The following NEBL variants were observed in gnomAD, a reference collection of about 807,000 sequenced individuals.
The protein encoded by NEBL is LIM and SH3 protein 2.
NEBL carries 122 observed loss-of-function variants against 140.2 expected under a neutral mutation model. The ratio of observed to expected loss-of-function variants is 0.87; its 90% CI spans 0.75 to 1.01. The LOEUF (loss-of-function observed/expected upper bound fraction) is 1.01, where lower values mean the gene tolerates loss of function less well. NEBL is among the 50% of genes least tolerant of loss of function. The probability of loss-of-function intolerance (pLI) is 0.00; values close to 1 mark genes in which losing one functional copy is unlikely to be tolerated. For missense variants in NEBL, 1,365 were observed against 1,231.3 expected (o/e 1.11, Z -1.62); for synonymous variants, 436 against 398.9 (o/e 1.09, Z -1.11).
At position 20,933,902 on chromosome 10, in the gene NEBL, C is replaced by T. The variant is rs188292350; in HGVS notation, c.357+27770G>A. Among the ~76,000 whole-genome samples the T allele has an allele frequency of 9.7e-4, 148 of 152,240 alleles. 1 individual carries two copies. In the East Asian group the frequency reaches 0.027, roughly 28 times the overall value. ...AGATGAGTGTTTAAGAAGCCATTTCCTTATCACCAACTATTAGGAGTTTCT... is the reference window on the plus strand; with the variant it reads ...AGATGAGTGTTTAAGAAGCCATTTCTTTATCACCAACTATTAGGAGTTTCT... On this transcript the variant is annotated intron_variant, in intron 4 of 6. Coordinates refer to the NEBL transcript ENST00000417816.
chr10:20,977,665 G>A lies in NEBL; in HGVS notation c.250-15886C>T, dbSNP rs11012436. On this transcript the variant is annotated intron_variant, in intron 3 of 6. Coordinates refer to the NEBL transcript ENST00000417816. ...GAGATTGAATCAATCAAAAGACCCC[G>A]CACTGGGGTGAAAAAAAACTGTGAA... Among the ~76,000 whole-genome samples the A allele has an allele frequency of 0.02, 3,000 of 152,150 alleles. 393 individuals carry two copies. In the East Asian group the frequency reaches 0.36, roughly 18 times the overall value.
chr10:21,200,447 G>C (rs1024321770), intron 3 of NEBL, among the ~76,000 whole-genome samples: 6 of 150,402 alleles, frequency 4.0e-5, no homozygotes, highest in African/African-American at 1.5e-4. Flanking sequence ...CTGAGTAGCT[G>C]GGACTACAGG....
chr10:21,143,410 C>G (rs1422489127), intron 2 of NEBL, among the ~76,000 whole-genome samples: 2 of 131,038 alleles, frequency 1.5e-5, no homozygotes, highest in African/African-American at 6.0e-5. Flanking sequence ...GATAGCACCA[C>G]TGCACTCCAG....
intron 16 of NEBL, among the ~76,000 whole-genome samples, chr10:20,828,886 A>C (rs1045300591): frequency 6.6e-6 from 1 of 152,094 alleles, no homozygotes; most frequent in Non-Finnish European, 1.5e-5. Flanking sequence ...GATAGATTTG[A>C]TTAAGGGAAA....
chr10:20,808,201 A>G (rs1837786799), intron 26 of NEBL, among the ~76,000 whole-genome samples: 1 of 152,104 alleles, frequency 6.6e-6, no homozygotes, highest in African/African-American at 2.4e-5. Context: ...TGTAGTGTGT[A>G]TATTTATCAC....
At chr10:21,218,613 A>T (rs1384633252) in intron 3 of NEBL, among the ~76,000 whole-genome samples, 1 of 152,230 alleles carries the variant, frequency 6.6e-6, no homozygotes. Flanking sequence ...CATGGAACAC[A>T]AAAGTTCCAT....
chr10:21,081,241 G>C (rs952212806), intron 2 of NEBL, among the ~76,000 whole-genome samples: 1 of 152,156 alleles, frequency 6.6e-6, no homozygotes, highest in Non-Finnish European at 1.5e-5. Context: ...ATTTTCCACT[G>C]TGTTTTTCTA....
At chr10:21,032,407 G>T (rs1283790207) in intron 2 of NEBL, among the ~76,000 whole-genome samples, 1 of 152,146 alleles carries the variant, frequency 6.6e-6, no homozygotes, top group Non-Finnish European at 1.5e-5. Flanking sequence ...TGGGGTCTAA[G>T]ATGCTTTTTG....
intron 26 of NEBL, among the ~76,000 whole-genome samples, chr10:20,795,956 C>T (rs988149612): frequency 1.4e-4 from 21 of 152,152 alleles, no homozygotes; most frequent in Admixed American, 1.2e-3. Flanking sequence ...ATTAAAGATT[C>T]TTTATTGCCT....
intron 4 of NEBL, among the ~76,000 whole-genome samples, chr10:20,887,119 T>A (rs1846591905): frequency 6.6e-6 from 1 of 152,194 alleles, no homozygotes; most frequent in South Asian, 2.1e-4. Flanking sequence ...AGGTGAAACA[T>A]TCCATTTAGA....
intron 3 of NEBL, among the ~76,000 whole-genome samples, chr10:21,011,049 T>G (rs1034709127): frequency 3.9e-5 from 6 of 152,016 alleles, no homozygotes; most frequent in Non-Finnish European, 7.4e-5. Context: ...ATAATGGCAG[T>G]TTTTTTTCAA....
At chr10:20,916,569 G>T (rs1037127757) in intron 4 of NEBL, among the ~76,000 whole-genome samples, 1 of 151,978 alleles carries the variant, frequency 6.6e-6, no homozygotes, top group South Asian at 2.1e-4. Flanking sequence ...ACTACCACTT[G>T]GCTAATTTTT....
intron 3 of NEBL, among the ~76,000 whole-genome samples, chr10:20,992,970 A>G (rs1837526097): frequency 6.6e-6 from 1 of 151,276 alleles, no homozygotes; most frequent in Non-Finnish European, 1.5e-5. Flanking sequence ...TTTTTAGTAG[A>G]GACGGGGTTT....
At chr10:21,006,701 C>G (rs1016014514) in intron 3 of NEBL, among the ~76,000 whole-genome samples, 1 of 152,108 alleles carries the variant, frequency 6.6e-6, no homozygotes, top group East Asian at 1.9e-4. Context: ...GTCCGAGACC[C>G]GAAAAGCATT....
intron 4 of NEBL, among the ~76,000 whole-genome samples, chr10:20,915,786 G>A (rs969985295): frequency 6.6e-6 from 1 of 152,070 alleles, no homozygotes; most frequent in African/African-American, 2.4e-5. Context: ...TGGGATGGCT[G>A]GGTCAAATGG....
At chr10:21,252,919 C>T (rs532969759) in intron 1 of NEBL, among the ~76,000 whole-genome samples, 1 of 152,040 alleles carries the variant, frequency 6.6e-6, no homozygotes, top group African/African-American at 2.4e-5. Context: ...TACACCACTG[C>T]ACTCCAGCCG....
chr10:20,797,753 T>C (rs967731152), intron 26 of NEBL, among the ~76,000 whole-genome samples: 5 of 151,972 alleles, frequency 3.3e-5, no homozygotes, highest in Non-Finnish European at 7.4e-5. Context: ...GACAGAACAG[T>C]AGACAAGTTT....
intron 2 of NEBL, among the ~76,000 whole-genome samples, chr10:21,063,287 C>T (rs1296565515): frequency 6.6e-6 from 1 of 152,216 alleles, no homozygotes; most frequent in Non-Finnish European, 1.5e-5. Context: ...CATGGCAATG[C>T]TCAGAGATCA....
intron 2 of NEBL, among the ~76,000 whole-genome samples, chr10:21,062,355 G>A (rs1484011122): frequency 6.6e-6 from 1 of 151,946 alleles, no homozygotes; most frequent in Non-Finnish European, 1.5e-5. Flanking sequence ...TATGCCTAGG[G>A]GTGCTGTTAG....
Sources: gnomAD v4.1 joint callset for allele counts (sites outside exome capture counted in the v4.1 genomes callset) on GRCh38, gnomAD v4.1.1 for gene constraint, MANE v1.5 for transcripts, NCBI Gene and HGNC (gene_info 2026-07-23, HGNC 2026-07-21) for gene names.